The following MAP4K5 variants were observed in gnomAD, a reference collection of about 807,000 sequenced individuals.
MAP4K5 encodes MAPK/ERK kinase kinase kinase 5.
A neutral mutation model predicts 135.6 loss-of-function variants in MAP4K5; 82 were observed. The ratio of observed to expected loss-of-function variants is 0.60; its 90% CI spans 0.51 to 0.73. MAP4K5 has a LOEUF of 0.73. Among genes scored for constraint, MAP4K5 ranks in the 30% least tolerant of loss-of-function variants. MAP4K5 has a pLI of 0.00. For missense variants in MAP4K5, 907 were observed against 1,010.9 expected, an observed-to-expected ratio of 0.90 and a Z score of 1.39; for synonymous variants, 347 against 335.0, an observed-to-expected ratio of 1.04 and a Z score of -0.39.
chr14:50,532,059 G>C lies in MAP4K5; in HGVS notation c.-10C>G. On this transcript the variant is annotated 5_prime_UTR_variant, in exon 2 of 33. Coordinates refer to ENST00000682126, the MANE Select transcript of MAP4K5 (RefSeq NM_006575.6). ...GCAGCGGGGCCTCCATCTTCACTTAGGGCCCGGCCCCCGCCAGCTCACCCC... is the reference window on the plus strand; with the variant it reads ...GCAGCGGGGCCTCCATCTTCACTTACGGCCCGGCCCCCGCCAGCTCACCCC... 2.0e-6 allele frequency: 3 copies of C among 1,528,432 alleles called. No homozygotes were observed. The highest frequency in any genetic ancestry group is 1.8e-6 in the Non-Finnish European group (2 of 1,126,438). The allele number at this position is 1,528,432 out of a possible 1,614,324, so 94.7% of individuals were successfully genotyped here.
intron 9 of MAP4K5, among the ~76,000 whole-genome samples, chr14:50,470,160 T>A (rs906042309): frequency 9.9e-5 from 15 of 152,130 alleles, no homozygotes; most frequent in Non-Finnish European, 1.5e-4. Flanking sequence ...AATCAGCTAG[T>A]GGTGGCTAAC....
chr14:50,453,870 C>A (rs568390949), intron 14 of MAP4K5, among the ~76,000 whole-genome samples: 73 of 152,226 alleles, frequency 4.8e-4, no homozygotes, highest in African/African-American at 1.6e-3. Flanking sequence ...TTCTCTCTCA[C>A]TGCAGGGAGT....
At chr14:50,546,623 G>T (rs770863957) in intron 1 of MAP4K5, among the ~76,000 whole-genome samples, 6 of 152,012 alleles carry the variant, frequency 3.9e-5, no homozygotes, top group Non-Finnish European at 8.8e-5. Flanking sequence ...TTTTTGTCTA[G>T]GTTTACTGAT....
chr14:50,446,507 T>C (rs575336096), intron 16 of MAP4K5, among the ~76,000 whole-genome samples: 12 of 152,336 alleles, frequency 7.9e-5, no homozygotes, highest in Middle Eastern at 3.4e-3. Context: ...ACCAGCAGAA[T>C]TGGCATCATC....
At chr14:50,459,890 G>C (rs1439313320) in intron 13 of MAP4K5, among the ~76,000 whole-genome samples, 1 of 152,056 alleles carries the variant, frequency 6.6e-6, no homozygotes, top group Non-Finnish European at 1.5e-5. Flanking sequence ...TGTAGAAATG[G>C]GGTTTCGCTA....
Position 50,531,960 on chromosome 14 carries a change from G to A in MAP4K5, c.90C>T (p.Thr30=). 5 of 1,602,216 alleles carry A rather than the reference G, an allele frequency of 3.1e-6. No homozygotes were observed. The highest frequency in any genetic ancestry group is 4.3e-6 in the Non-Finnish European group (5 of 1,174,518). ...YELVQRVGSG[T]YGDVYKARNV... ...CACTTACCTTATAGACGTCCCCGTA[G>A]GTGCCGCTGCCGACCCTCTGGACGA... Residue 30 remains threonine, a synonymous_variant, in exon 2 of 33, where the codon ACC becomes ACT. Transcript: ENST00000682126.
chr14:50,499,179 G>C (rs2037655394), intron 3 of MAP4K5, among the ~76,000 whole-genome samples: 2 of 151,802 alleles, frequency 1.3e-5, no homozygotes, highest in African/African-American at 4.8e-5. Context: ...AATTTGTTTT[G>C]AAAGAAAATT....
chr14:50,532,840 C>G (rs962146821), upstream of MAP4K5: 10 of 152,428 alleles, frequency 6.6e-5, no homozygotes, highest in Non-Finnish European at 1.3e-4. Flanking sequence ...CGTGGGCCAA[C>G]GGGCCTTGGC....
chr14:50,462,221 C>A (rs190060798), intron 13 of MAP4K5, among the ~76,000 whole-genome samples: 1 of 152,128 alleles, frequency 6.6e-6, no homozygotes, highest in African/African-American at 2.4e-5. Flanking sequence ...GCTCTTAAAA[C>A]CTTTATTTCC....
intron 3 of MAP4K5, among the ~76,000 whole-genome samples, chr14:50,486,924 C>T (rs2037375181): frequency 6.6e-6 from 1 of 152,126 alleles, no homozygotes; most frequent in African/African-American, 2.4e-5. Flanking sequence ...GGCTCTAACT[C>T]AAAGTCATCT....
At chr14:50,560,501 G>C (rs933406193) in intron 1 of MAP4K5, 6 of 671,518 alleles carry the variant, frequency 8.9e-6, no homozygotes, top group African/African-American at 1.8e-5. Context: ...CGCTGTCGGG[G>C]TGAGGGCTGC....
At chr14:50,472,594 G>GT (rs1369547089) in intron 9 of MAP4K5, 1 of 152,086 alleles carries the variant, frequency 6.6e-6, no homozygotes, top group Non-Finnish European at 1.5e-5. Context: ...AAACAATGTG[G>GT]TAATGTCCTC....
At chr14:50,515,943 C>T (rs983263488) in intron 2 of MAP4K5, among the ~76,000 whole-genome samples, 1 of 152,200 alleles carries the variant, frequency 6.6e-6, no homozygotes, top group Admixed American at 6.5e-5. Flanking sequence ...ACAGAACACT[C>T]GATTATCCCT....
At chr14:50,485,788 C>A in intron 4 of MAP4K5, 146 bp from the exon 5 acceptor site, 1 of 578,062 alleles carries the variant, frequency 1.7e-6, no homozygotes, top group Non-Finnish European at 3.0e-6. Flanking sequence ...CTACAATATA[C>A]AGAAAAGCAC....
intron 16 of MAP4K5, among the ~76,000 whole-genome samples, chr14:50,446,377 A>T (rs1056054848): frequency 6.6e-6 from 1 of 152,194 alleles, no homozygotes. Flanking sequence ...TATATTTCTT[A>T]TGTAATAAAA....
chr14:50,444,297 G>A (rs1178764488), intron 18 of MAP4K5, among the ~76,000 whole-genome samples: 1 of 152,110 alleles, frequency 6.6e-6, no homozygotes, highest in Non-Finnish European at 1.5e-5. Context: ...GATATGCAAG[G>A]CTTTTTATAA....
chr14:50,443,348 A>AG (rs2036269841), intron 20 of MAP4K5, among the ~76,000 whole-genome samples: 1 of 10,516 alleles, frequency 9.5e-5, no homozygotes, highest in South Asian at 0.25. Flanking sequence ...CTGACTGGCC[A>AG]GGAAAATGCA....
At chr14:50,464,325 A>G (rs1458516852) in intron 11 of MAP4K5, among the ~76,000 whole-genome samples, 192 bp from the exon 12 acceptor site, 3 of 152,210 alleles carry the variant, frequency 2.0e-5, no homozygotes, top group Non-Finnish European at 1.5e-5. Context: ...ATTAAGTAAC[A>G]GAACAGTAAT....
intron 9 of MAP4K5, among the ~76,000 whole-genome samples, chr14:50,474,060 T>C (rs779023786): frequency 1.2e-4 from 19 of 152,120 alleles, no homozygotes; most frequent in Non-Finnish European, 2.4e-4. Flanking sequence ...GGTACGGAGC[T>C]ACTTAAATTT....
Sources: allele counts gnomAD v4.1 joint callset (sites outside exome capture counted in the v4.1 genomes callset), GRCh38; gene constraint gnomAD v4.1.1; transcripts MANE v1.5; gene names NCBI Gene and HGNC (gene_info 2026-07-23, HGNC 2026-07-21).